PCDH15: variants seen among roughly 807,000 people sequenced by gnomAD.
PCDH15 encodes protocadherin related 15, also known as protocadherin-15.
In PCDH15, 129 loss-of-function variants were observed where a neutral mutation model predicts 178.5. That is an observed-to-expected ratio of 0.72 (90% CI 0.63 to 0.84). The LOEUF is 0.84. PCDH15 is among the 40% of genes least tolerant of loss of function. PCDH15 has a pLI of 0.00. For synonymous variants in PCDH15, 800 were observed against 732.0 expected (o/e 1.09, Z -1.50); for missense variants, 2,230 against 2,099.9 (o/e 1.06, Z -1.21).
At chr10:53,879,547 C>A (rs892276998) in intron 26 of PCDH15, among the ~76,000 whole-genome samples, 1 of 151,816 alleles carries the variant, frequency 6.6e-6, no homozygotes, top group Non-Finnish European at 1.5e-5. Context: ...CGATGTATAC[C>A]TACAGAATTA....
chr10:53,973,372 G>A (rs2446602), intron 21 of PCDH15, among the ~76,000 whole-genome samples: 107,933 of 150,304 alleles, frequency 0.72, 39,057 homozygotes, highest in East Asian at 0.87. Flanking sequence ...GCACACCAAC[G>A]TGGCACATGT....
intron 2 of PCDH15, among the ~76,000 whole-genome samples, chr10:55,379,074 G>C (rs1429325780): frequency 6.6e-6 from 1 of 151,636 alleles, no homozygotes; most frequent in Non-Finnish European, 1.5e-5. Flanking sequence ...AAACAAACTT[G>C]TAATGAACAT....
chr10:55,080,388 T>C (rs2250881), intron 2 of PCDH15, among the ~76,000 whole-genome samples: 69,572 of 151,862 alleles, frequency 0.46, 19,727 homozygotes, highest in African/African-American at 0.8. Context: ...TAATGCCTGA[T>C]GATCTGAGGT....
At chr10:54,481,116 C>G (rs1415226394) in intron 3 of PCDH15, among the ~76,000 whole-genome samples, 1 of 151,808 alleles carries the variant, frequency 6.6e-6, no homozygotes, top group Non-Finnish European at 1.5e-5. Context: ...TTTTAAAATT[C>G]TCACCCACTT....
intron 9 of PCDH15, among the ~76,000 whole-genome samples, chr10:54,230,787 CA>C (rs2053974820): frequency 6.6e-6 from 1 of 151,854 alleles, no homozygotes; most frequent in Admixed American, 6.6e-5. Context: ...ATACTGTTAG[CA>C]ATATTATATT....
chr10:54,642,888 C>G (rs558850956), intron 2 of PCDH15, among the ~76,000 whole-genome samples: 3 of 152,060 alleles, frequency 2.0e-5, no homozygotes, highest in Non-Finnish European at 4.4e-5. Flanking sequence ...TGTTGTAACT[C>G]TCCAATGTAA....
chr10:54,488,784 G>A (rs959627902), intron 3 of PCDH15, among the ~76,000 whole-genome samples: 2 of 151,776 alleles, frequency 1.3e-5, no homozygotes, highest in African/African-American at 2.4e-5. Context: ...TTTTGGAAAC[G>A]AGAATTTAAT....
chr10:54,047,920 G>A (rs2093688860), intron 18 of PCDH15, among the ~76,000 whole-genome samples: 1 of 152,068 alleles, frequency 6.6e-6, no homozygotes. Context: ...ATTTTCCTTT[G>A]GGTATATACC....
intron 2 of PCDH15, among the ~76,000 whole-genome samples, chr10:54,995,632 C>A (rs970614025): frequency 6.6e-6 from 1 of 150,802 alleles, no homozygotes; most frequent in African/African-American, 2.4e-5. Context: ...TTAACCCTCC[C>A]CCCCACGCCC....
chr10:54,927,819 CT>C (rs1837671665), intron 2 of PCDH15, among the ~76,000 whole-genome samples: 1 of 151,922 alleles, frequency 6.6e-6, no homozygotes, highest in African/African-American at 2.4e-5. Flanking sequence ...TACTTTGAGC[CT>C]GTGGGTATCA....
intron 3 of PCDH15, among the ~76,000 whole-genome samples, chr10:54,830,403 C>T (rs534438042): frequency 9.9e-5 from 15 of 152,188 alleles, no homozygotes; most frequent in Non-Finnish European, 1.9e-4. Flanking sequence ...ACTATGCCGC[C>T]ATAAAAAATG....
chr10:55,602,160 G>A (rs1392678918), intron 2 of PCDH15, among the ~76,000 whole-genome samples: 4 of 152,100 alleles, frequency 2.6e-5, no homozygotes, highest in Non-Finnish European at 4.4e-5. Flanking sequence ...ACTCCCACCC[G>A]AATACTGCGC....
chr10:54,104,279 C>A lies in PCDH15; in HGVS notation c.1918-14216G>T, dbSNP rs140356575. Among the ~76,000 whole-genome samples the A allele has an allele frequency of 3.9e-3, 593 of 152,262 alleles. 2 individuals carry two copies. Among genetic ancestry groups the A allele is most frequent in the African/African-American group, 0.014 (565 of 41,556 alleles). Reference sequence around the variant, plus strand: ...TCATCAGAGTTTACAAGCTCAGTGTCCCCAGCCTTATCAGGGTCCTCCCAC... The same window carrying A: ...TCATCAGAGTTTACAAGCTCAGTGTACCCAGCCTTATCAGGGTCCTCCCAC... On this transcript the variant is annotated intron_variant, in intron 15 of 37. Coordinates refer to ENST00000644397, the MANE Select transcript of PCDH15 (RefSeq NM_001384140.1).
At position 54,856,279 on chromosome 10, in the gene PCDH15, G is replaced by A. The variant is rs148585747; in HGVS notation, c.-29+41171C>T. 2.9e-4 allele frequency among the ~76,000 whole-genome samples: 44 copies of A among 152,210 alleles called. 1 individual carries two copies. In the East Asian group the frequency reaches 7.9e-3, roughly 27 times the overall value. ...AGAAAATGCACACTTCAGATATGAG[G>A]GTATGGGGCAGGAGGAACTGGGGCA... On this transcript the variant is annotated intron_variant, in intron 3 of 5. Transcript: ENST00000458638.
At chr10:54,114,836 C>A (rs537618905) in intron 15 of PCDH15, among the ~76,000 whole-genome samples, 1 of 152,058 alleles carries the variant, frequency 6.6e-6, no homozygotes, top group South Asian at 2.1e-4. Context: ...TCCAGGAGGT[C>A]AGTAAGGCTA....
intron 2 of PCDH15, among the ~76,000 whole-genome samples, chr10:55,384,851 G>C (rs954013165): frequency 2.0e-5 from 3 of 151,944 alleles, no homozygotes; most frequent in South Asian, 4.2e-4. Context: ...TGAGATTTTT[G>C]AAATTTTATT....
chr10:54,755,466 G>A (rs1279182122), intron 1 of PCDH15, among the ~76,000 whole-genome samples: 1 of 152,050 alleles, frequency 6.6e-6, no homozygotes, highest in African/African-American at 2.4e-5. Context: ...TAAGGGTGCA[G>A]CTCTAGAATT....
At chr10:53,982,361 A>C (rs1346112363) in intron 21 of PCDH15, among the ~76,000 whole-genome samples, 5 of 152,154 alleles carry the variant, frequency 3.3e-5, no homozygotes, top group Admixed American at 2.6e-4. Context: ...CTATAAAGAC[A>C]CATGCACACG....
At position 54,951,731 on chromosome 10, in the gene PCDH15, T is replaced by C. The variant is rs961418464; in HGVS notation, c.-79-54231A>G. ...ACATCCACTCTGACATTTGGTATTA[T>C]CTTTTGAATTTTACCCATTCTAATA... On this transcript the variant is annotated intron_variant, in intron 2 of 5. Transcript: ENST00000458638. 3.3e-5 allele frequency among the ~76,000 whole-genome samples: 5 copies of C among 151,866 alleles called. No individual in the cohort carries two copies. In the East Asian group the frequency reaches 5.8e-4, roughly 18 times the overall value.
Sources: allele counts gnomAD v4.1 joint callset (sites outside exome capture counted in the v4.1 genomes callset), GRCh38; gene constraint gnomAD v4.1.1; transcripts MANE v1.5; gene names NCBI Gene and HGNC (gene_info 2026-07-23, HGNC 2026-07-21).